ZCCHC8: variants seen among roughly 807,000 people sequenced by gnomAD.
ZCCHC8 encodes the protein zinc finger CCHC-type containing 8.
A neutral mutation model predicts 70.6 loss-of-function variants in ZCCHC8; 27 were observed. The observed-to-expected ratio is 0.38, with a 90% confidence interval of 0.28 to 0.53. The LOEUF (loss-of-function observed/expected upper bound fraction) is 0.53. ZCCHC8 is among the 20% of genes least tolerant of loss of function. The pLI is 0.81. For missense variants in ZCCHC8, 737 were observed against 876.9 expected, an observed-to-expected ratio of 0.84 and a Z score of 2.01; for synonymous variants, 293 against 317.4, an observed-to-expected ratio of 0.92 and a Z score of 0.82.
intron 11 of ZCCHC8, 46 bp from the exon 12 acceptor site, chr12:122,478,338 A>T: frequency 1.4e-6 from 2 of 1,422,266 alleles, no homozygotes; most frequent in Non-Finnish European, 1.9e-6. Context: ...GTATTTGGAA[A>T]ATGTCATGTT....
rs1225569019 is a variant in ZCCHC8 at position 122,473,672 on chromosome 12, G to A, written c.1949C>T (p.Pro650Leu). 3 of 1,613,998 alleles carry A rather than the reference G, an allele frequency of 1.9e-6. No individual in the cohort carries two copies. Among genetic ancestry groups the A allele is most frequent in the Admixed American group, 1.7e-5 (1 of 60,016 alleles). ...SQKLFPADTS[P>L]STATKIHSPI... The stretch of plus-strand genomic sequence containing the variant: ...GCTATGAATTTTAGTGGCCGTTGAA[G>A]GACTGGTGTCTGCAGGAAAGAGCTT... Residue 650 changes from proline (P) to leucine (L), a missense_variant, in exon 14 of 14, where the codon CCT becomes CTT. By Grantham distance (98) the Pro-to-Leu change is moderately conservative. Transcript: ENST00000633063.
intron 13 of ZCCHC8, among the ~76,000 whole-genome samples, chr12:122,474,909 A>AT (rs1283699337): frequency 6.6e-6 from 1 of 151,628 alleles, no homozygotes; most frequent in Non-Finnish European, 1.5e-5. Context: ...AAATTTTTGT[A>AT]TTTTTAGTAG....
rs1957868700 is a variant in ZCCHC8, at chr12:122,498,676, A to C, written c.242+151T>G. On this transcript the variant is annotated intron_variant, in intron 2 of 13. Coordinates refer to ENST00000633063, the MANE Select transcript of ZCCHC8 (RefSeq NM_017612.5). Reference sequence around the variant, plus strand: ...ATTCAGACCTTATCCCCACAATTAAATAACTATTACTTTGATTTCTTCAGA... The same window carrying C: ...ATTCAGACCTTATCCCCACAATTAACTAACTATTACTTTGATTTCTTCAGA... 5 of 754,144 alleles carry C rather than the reference A, an allele frequency of 6.6e-6. No homozygotes were observed. In the South Asian group the frequency reaches 8.4e-5, roughly 13 times the overall value. The allele number at this position is 754,144 out of a possible 1,614,324, so 46.7% of individuals were successfully genotyped here.
rs1161141449 is a variant in ZCCHC8 at position 122,483,673 on chromosome 12, A to G, written c.502-110T>C. The G allele has an allele frequency of 1.1e-5, 10 of 911,202 alleles. No individual in the cohort carries two copies. Among genetic ancestry groups the G allele is most frequent in the African/African-American group, 5.1e-5 (3 of 59,262 alleles). 56.4% of individuals were successfully genotyped at this position (911,202 alleles called of 1,614,324 possible). On this transcript the variant is annotated intron_variant, in intron 5 of 13. Coordinates refer to ENST00000633063, the MANE Select transcript of ZCCHC8 (RefSeq NM_017612.5). The surrounding 1 kb of genome is among the most constrained non-coding windows in gnomAD (Gnocchi z 4.4). The stretch of plus-strand genomic sequence containing the variant: ...CAATTTATTTTTGGATGGAATTATT[A>G]GAAATAATAACTTCCTTGTTATTAA...
At chr12:122,498,722 T>A (rs1024271433) in intron 2 of ZCCHC8, 105 bp downstream of exon 2, 1 of 1,091,192 alleles carries the variant, frequency 9.2e-7, no homozygotes, top group Non-Finnish European at 1.4e-6. Context: ...CAAATAAAAA[T>A]GATACAAAAA....
chr12:122,474,966 C>T lies in ZCCHC8; in HGVS notation c.1346-691G>A, dbSNP rs536193212. Among the ~76,000 whole-genome samples, 9 of 152,016 alleles carry T rather than the reference C, an allele frequency of 5.9e-5. No homozygotes were observed. The South Asian group carries it at 1.2e-3, about 21-fold the overall frequency. ...GCCAGGCTGGTCTCGAACTCCTGAC[C>T]TCAGGTGATCCACCTGCCTTGGCCT... On this transcript the variant is annotated intron_variant, in intron 13 of 13. Coordinates refer to ENST00000633063, the MANE Select transcript of ZCCHC8 (RefSeq NM_017612.5).
intron 5 of ZCCHC8, among the ~76,000 whole-genome samples, chr12:122,485,351 TG>T (rs1354668040): frequency 6.6e-6 from 1 of 152,202 alleles, no homozygotes; most frequent in African/African-American, 2.4e-5. Context: ...CGACCTCAGG[TG>T]ATCTGCCCGC....
chr12:122,473,111 G>C lies in ZCCHC8; in HGVS notation c.*386C>G, dbSNP rs1487652240. 6.2e-6 allele frequency: 1 copy of C among 161,782 alleles called. No homozygotes were observed. The highest frequency in any genetic ancestry group is 1.3e-5 in the Non-Finnish European group (1 of 74,444). The allele number at this position is 161,782 out of a possible 1,614,324, so 10.0% of individuals were successfully genotyped here. ...GTTGAAACATGAATTTAAAATGGTA[G>C]AATTTTTTCTTTTAAAAAGTGATAT... On this transcript the variant is annotated 3_prime_UTR_variant, in exon 14 of 14. Transcript: ENST00000633063.
At chr12:122,475,449 C>T (rs1329291986) in intron 13 of ZCCHC8, among the ~76,000 whole-genome samples, 1 of 152,180 alleles carries the variant, frequency 6.6e-6, no homozygotes, top group African/African-American at 2.4e-5. Context: ...TACAACCTGT[C>T]CAAAACAAAT....
At chr12:122,487,061 A>C (rs763305588) in intron 5 of ZCCHC8, among the ~76,000 whole-genome samples, 1 of 152,134 alleles carries the variant, frequency 6.6e-6, no homozygotes, top group Non-Finnish European at 1.5e-5. Context: ...TTACCTTCCT[A>C]CTGCCTGGAG....
At chr12:122,476,345 A>G (rs1353123164) in intron 13 of ZCCHC8, among the ~76,000 whole-genome samples, 1 of 152,130 alleles carries the variant, frequency 6.6e-6, no homozygotes, top group Non-Finnish European at 1.5e-5. Context: ...TCATGCCAGT[A>G]ACATTGGGAG....
intron 13 of ZCCHC8, among the ~76,000 whole-genome samples, chr12:122,476,338 T>A (rs770181195): frequency 6.0e-5 from 9 of 151,246 alleles, no homozygotes; most frequent in Non-Finnish European, 1.2e-4. Context: ...CGGTGGCTCA[T>A]GCCAGTAACA....
At chr12:122,487,955 C>A (rs543355639) in intron 5 of ZCCHC8, among the ~76,000 whole-genome samples, 1 of 152,166 alleles carries the variant, frequency 6.6e-6, no homozygotes, top group South Asian at 2.1e-4. Flanking sequence ...TGGCTCACTG[C>A]AGCCTTGACC....
chr12:122,492,469 C>T (rs1253079943), intron 3 of ZCCHC8, among the ~76,000 whole-genome samples: 3 of 152,272 alleles, frequency 2.0e-5, no homozygotes, highest in African/African-American at 4.8e-5. Flanking sequence ...AGTGAAGTAA[C>T]GGATGATGCA....
rs1229678366 is a variant in ZCCHC8, at chr12:122,473,661, T to A, written c.1960A>T (p.Thr654Ser). Residue 654 changes from threonine (T) to serine (S), a missense_variant, in exon 14 of 14, where the codon ACT (threonine) becomes TCT (serine). Physicochemically the swap from Thr to Ser is moderately conservative, Grantham distance 58. Coordinates refer to ENST00000633063, the MANE Select transcript of ZCCHC8 (RefSeq NM_017612.5). ...FPADTSPSTA[T>S]KIHSPIPDMS... ...TCAGGTATAGGGCTATGAATTTTAG[T>A]GGCCGTTGAAGGACTGGTGTCTGCA... 6.2e-7 allele frequency: 1 copy of A among 1,613,934 alleles called. No homozygotes were observed. Among genetic ancestry groups the A allele is most frequent in the African/African-American group, 1.3e-5 (1 of 74,938 alleles).
At chr12:122,496,437 C>G (rs542553267) in intron 2 of ZCCHC8, among the ~76,000 whole-genome samples, 5 of 151,858 alleles carry the variant, frequency 3.3e-5, no homozygotes, top group African/African-American at 1.2e-4. Context: ...CGTTTGAACT[C>G]GGATAAAAAT....
Position 122,483,428 on chromosome 12 carries a change from C to A in ZCCHC8, c.605+32G>T, listed in dbSNP as rs1424180558. On this transcript the variant is annotated intron_variant, in intron 6 of 13. Coordinates refer to ENST00000633063, the MANE Select transcript of ZCCHC8 (RefSeq NM_017612.5). The surrounding 1 kb of genome is among the most constrained non-coding windows in gnomAD (Gnocchi z 4.4). ...TAAAGGTGAACTTAGTGGCAAGATG[C>A]ATAAAAGATCTTCATTCACTATGTA... The A allele has an allele frequency of 6.4e-7, 1 of 1,571,604 alleles. No homozygotes were observed. The highest frequency in any genetic ancestry group is 1.3e-5 in the African/African-American group (1 of 74,104).
intron 13 of ZCCHC8, 126 bp from the exon 14 acceptor site, chr12:122,474,401 G>A: frequency 1.2e-6 from 1 of 848,956 alleles, no homozygotes; most frequent in Non-Finnish European, 1.6e-6. Context: ...TAACATGAGG[G>A]AAATTCTGGA....
rs1327102590 is a variant in ZCCHC8 at position 122,473,763 on chromosome 12, C to T, written c.1858G>A (p.Glu620Lys). The T allele has an allele frequency of 3.1e-6, 5 of 1,613,220 alleles. No individual in the cohort carries two copies. The highest frequency in any genetic ancestry group is 4.2e-6 in the Non-Finnish European group (5 of 1,179,362). ...EKAELAPVNTEGALLDNGSVV... is the reference protein window; with the variant it reads ...EKAELAPVNTKGALLDNGSVV... The stretch of plus-strand genomic sequence containing the variant: ...CTGCCATTATCAAGAAGGGCACCTT[C>T]AGTGTTTACCGGAGCCAACTCTGCT... The change falls in exon 14 of 14, where the codon GAA (glutamate) becomes AAA (lysine). Residue 620 changes from glutamate (E) to lysine (K), a missense_variant. By Grantham distance (56) the Glu-to-Lys change is moderately conservative. Transcript: ENST00000633063.
Sources: gnomAD v4.1 joint callset for allele counts (sites outside exome capture counted in the v4.1 genomes callset) on GRCh38, gnomAD v4.1.1 for gene constraint, Gnocchi (gnomAD v3.1) non-coding constraint, MANE v1.5 for transcripts, NCBI Gene and HGNC (gene_info 2026-07-23, HGNC 2026-07-21) for gene names.